CGN: variants seen among roughly 807,000 people sequenced by gnomAD.
The protein encoded by CGN is cingulin.
CGN carries 121 observed loss-of-function variants against 157.1 expected under a neutral mutation model. The ratio of observed to expected loss-of-function variants is 0.77; its 90% CI spans 0.66 to 0.90. CGN has a LOEUF of 0.90. CGN is among the 40% of genes least tolerant of loss of function. The pLI, the probability that CGN is intolerant of heterozygous loss-of-function variation, is 0.00. For missense variants in CGN, 1,424 were observed against 1,520.9 expected (o/e 0.94, Z 1.06); for synonymous variants, 535 against 607.5 (o/e 0.88, Z 1.76).
At position 151,524,555 on chromosome 1, in the gene CGN, C is replaced by T; in HGVS notation, c.1402-119C>T. Reference sequence around the variant, plus strand: ...AAACCTATCATTCTGGGCTCCAGTACTGGTACTAGAGCACCTGGTACTGTG... The same window carrying T: ...AAACCTATCATTCTGGGCTCCAGTATTGGTACTAGAGCACCTGGTACTGTG... On this transcript the variant is annotated intron_variant, in intron 7 of 20. Coordinates refer to ENST00000271636, the MANE Select transcript of CGN (RefSeq NM_020770.3). This position sits in a 1 kb window ranked among gnomAD's most constrained non-coding sequence, Gnocchi z 4.4. 8.6e-7 allele frequency: 1 copy of T among 1,162,096 alleles called. No homozygotes were observed. The highest frequency in any genetic ancestry group is 2.6e-5 in the Admixed American group (1 of 38,254). 72.0% of individuals were successfully genotyped at this position (1,162,096 alleles called of 1,614,324 possible).
In CGN at chr1:151,537,490, T is replaced by TAA. The variant is rs5777776; in HGVS notation, c.*155_*156dup. 15,993 of 425,188 alleles carry TAA rather than the reference T, an allele frequency of 0.038. 137 individuals are homozygous for TAA. Among genetic ancestry groups the TAA allele is most frequent in the African/African-American group, 0.082 (4,073 of 49,680 alleles). The allele number at this position is 425,188 out of a possible 1,614,324, so 26.3% of individuals were successfully genotyped here. A position where few individuals can be genotyped will look rare whatever the true frequency, so the allele number is the denominator to read the frequency against. On this transcript the variant is annotated 3_prime_UTR_variant, in exon 21 of 21. Coordinates refer to ENST00000271636, the MANE Select transcript of CGN (RefSeq NM_020770.3). ...CAGGGAGGGGTCAGAGTGATGGTGATAAAAAAAAAAAATCATCAGCAATAA... is the reference window on the plus strand; with the variant it reads ...CAGGGAGGGGTCAGAGTGATGGTGATAAAAAAAAAAAAAATCATCAGCAATAA...
At chr1:151,519,712 T>C (rs550724652) in intron 2 of CGN, among the ~76,000 whole-genome samples, 5 of 152,344 alleles carry the variant, frequency 3.3e-5, no homozygotes, top group African/African-American at 9.6e-5. Flanking sequence ...TAAGGCGGGC[T>C]TGGAGGATAA....
intron 8 of CGN, 151 bp downstream of exon 8, chr1:151,525,037 G>A (rs1664639802): frequency 4.3e-6 from 3 of 701,982 alleles, no homozygotes; most frequent in Non-Finnish European, 7.3e-6. Context: ...AAAACCTTGG[G>A]CAGGAAAACT....
chr1:151,534,033 T>G lies in CGN; in HGVS notation c.2801T>G (p.Leu934Arg). 6.2e-7 allele frequency: 1 copy of G among 1,613,530 alleles called. No homozygotes were observed. Among genetic ancestry groups the G allele is most frequent in the Non-Finnish European group, 8.5e-7 (1 of 1,179,914 alleles). ...CAGGCTGAGCGGGACACAGCCCGGC[T>G]GGACAAAGAGCTACTGGCCCAGCGA... ...ASQAERDTAR[L>R]DKELLAQRLQ... is the part of the protein sequence containing the mutation. Residue 934 changes from leucine (L) to arginine (R), a missense_variant, in exon 15 of 21, where the codon CTG (leucine) becomes CGG (arginine). This residue lies in a region of CGN where 1,187 missense variants were observed against 1,217.6 expected (regional missense o/e 0.97). Coordinates refer to ENST00000271636, the MANE Select transcript of CGN (RefSeq NM_020770.3).
chr1:151,529,083 A>G (rs1414274161), intron 10 of CGN, among the ~76,000 whole-genome samples: 1 of 152,254 alleles, frequency 6.6e-6, no homozygotes, highest in Non-Finnish European at 1.5e-5. Context: ...CATCTGGGCT[A>G]TAATGAATAA....
chr1:151,526,878 C>T, intron 9 of CGN, 97 bp from the exon 10 acceptor site: 6 of 1,419,806 alleles, frequency 4.2e-6, no homozygotes, highest in Admixed American at 1.9e-5. Context: ...AGCGTGTTGG[C>T]CTCCAGAGAG....
At chr1:151,536,677 C>G in intron 19 of CGN, 53 bp from the exon 20 acceptor site, 1 of 1,581,162 alleles carries the variant, frequency 6.3e-7, no homozygotes, top group Non-Finnish European at 8.7e-7. Flanking sequence ...GGGAGGGTCC[C>G]AGGCCATGGT....
At chr1:151,537,076 G>A in intron 20 of CGN, 129 bp from the exon 21 acceptor site, 1 of 1,235,576 alleles carries the variant, frequency 8.1e-7, no homozygotes, top group Non-Finnish European at 1.1e-6. Context: ...CCCCAAATCT[G>A]ATTAGTTGGG....
intron 13 of CGN, among the ~76,000 whole-genome samples, chr1:151,531,409 T>C (rs1462991196): frequency 6.6e-6 from 1 of 152,200 alleles, no homozygotes; most frequent in Non-Finnish European, 1.5e-5. Flanking sequence ...AAAATAAAAT[T>C]AGCCTGCTGT....
chr1:151,528,265 G>A (rs2102497376), intron 10 of CGN, among the ~76,000 whole-genome samples: 1 of 151,940 alleles, frequency 6.6e-6, no homozygotes, highest in East Asian at 1.9e-4. Context: ...GGGATTACAG[G>A]CGTGAGCCAC....
rs1573129 is a variant in CGN at position 151,524,900 on chromosome 1, G to A, written c.1614+14G>A. 336,403 of 1,604,770 alleles carry A rather than the reference G, an allele frequency of 0.21. 47,044 individuals are homozygous for A. The highest frequency in any genetic ancestry group is 0.78 in the East Asian group (34,885 of 44,728). On this transcript the variant is annotated intron_variant, in intron 8 of 20. Transcript: ENST00000271636. The surrounding 1 kb of genome is among the most constrained non-coding windows in gnomAD (Gnocchi z 4.4). ...GATGCAACCCAGGCATGTGACAAGAGCAGGGTCTGAGAGAGGAGGGCACTG... is the reference window on the plus strand; with the variant it reads ...GATGCAACCCAGGCATGTGACAAGAACAGGGTCTGAGAGAGGAGGGCACTG...
chr1:151,519,431 C>T (rs1249991487), intron 2 of CGN, 39 bp downstream of exon 2: 1 of 1,505,488 alleles, frequency 6.6e-7, no homozygotes, highest in African/African-American at 1.4e-5. Flanking sequence ...AATGTCAGCC[C>T]CTTCTCCCTT....
At position 151,524,257 on chromosome 1, in the gene CGN, G is replaced by A; in HGVS notation, c.1300G>A (p.Gly434Ser). ...GAACATGAAGCGCCTCTTGGACCAGGGTGAAGATTTACGACATGGGCTGGA... is the reference window on the plus strand; with the variant it reads ...GAACATGAAGCGCCTCTTGGACCAGAGTGAAGATTTACGACATGGGCTGGA... ...LQNMKRLLDQ[G>S]EDLRHGLETQ... The change falls in exon 7 of 21, where the codon GGT (glycine) becomes AGT (serine). Residue 434 changes from glycine to serine, a missense_variant. By Grantham distance (56) the Gly-to-Ser change is moderately conservative. Coordinates refer to ENST00000271636, the MANE Select transcript of CGN (RefSeq NM_020770.3). The surrounding 1 kb of genome is among the most constrained non-coding windows in gnomAD (Gnocchi z 4.4). 1 of 1,614,112 alleles carries A rather than the reference G, an allele frequency of 6.2e-7. No individual in the cohort carries two copies. Among genetic ancestry groups the A allele is most frequent in the Non-Finnish European group, 8.5e-7 (1 of 1,180,004 alleles).
Position 151,520,495 on chromosome 1 carries a change from T to A in CGN, c.1044+12T>A. On this transcript the variant is annotated intron_variant, in intron 4 of 20. Transcript: ENST00000271636. ...TGCAGCCTCTAGTGGTGAGTGGCCT[T>A]CTCTGGATGGGAGCAAGGGTCAAGG... 1 of 1,613,784 alleles carries A rather than the reference T, an allele frequency of 6.2e-7. No homozygotes were observed. The highest frequency in any genetic ancestry group is 8.5e-7 in the Non-Finnish European group (1 of 1,179,666).
At chr1:151,513,484 C>T (rs1664345590) in intron 1 of CGN, among the ~76,000 whole-genome samples, 1 of 152,162 alleles carries the variant, frequency 6.6e-6, no homozygotes. Flanking sequence ...CTGAGCTGTC[C>T]TTTTCTATTT....
chr1:151,525,604 C>A, intron 8 of CGN, 38 bp from the exon 9 acceptor site: 1 of 1,513,644 alleles, frequency 6.6e-7, no homozygotes, highest in East Asian at 2.5e-5. Flanking sequence ...GACCTCTTCC[C>A]TCTGAGCCTT....
At chr1:151,534,642 C>T in intron 15 of CGN, 1 of 235,238 alleles carries the variant, frequency 4.3e-6, no homozygotes, top group South Asian at 5.7e-5. Context: ...TCAGACTGGA[C>T]AGTCTGGTCC....
rs372073643 is a variant in CGN at position 151,535,799 on chromosome 1, G to A, written c.3098G>A (p.Arg1033Gln). The A allele has an allele frequency of 5.8e-5, 94 of 1,614,048 alleles. No homozygotes were observed. Among genetic ancestry groups the A allele is most frequent in the Non-Finnish European group, 6.9e-5 (82 of 1,180,026 alleles). Residue 1033 changes from arginine (R) to glutamine (Q), a missense_variant, in exon 18 of 21, where the codon CGG (arginine) becomes CAG (glutamine). Physicochemically the swap from Arg to Gln is conservative, Grantham distance 43. Around this residue, in one of 3 missense-constraint regions of CGN, gnomAD observed 199 missense variants for 272.2 expected, o/e 0.73. Transcript: ENST00000271636. ...TCTCAGAACAAGGACCTGAAGACCC[G>A]GTTGGCCAGCTCAGAAGGCTTCCAG... Reference protein sequence around the residue: ...LERQNKDLKTRLASSEGFQKP... With the variant: ...LERQNKDLKTQLASSEGFQKP...
Position 151,532,448 on chromosome 1 carries a change from A to G in CGN, c.2618A>G (p.Gln873Arg). The change falls in exon 14 of 21, where the codon CAG becomes CGG. Residue 873 changes from glutamine (Q) to arginine (R), a missense_variant. Physicochemically the swap from Gln to Arg is conservative, Grantham distance 43 (BLOSUM62 1). Transcript: ENST00000271636. ...EDSKQALQQLQAQLEDYKEKA... is the reference protein window; with the variant it reads ...EDSKQALQQLRAQLEDYKEKA... ...TCTAAGCAAGCCCTGCAGCAGCTCC[A>G]GGCCCAGCTGGAGGATTATAAGGAA... 2 of 1,600,186 alleles carry G rather than the reference A, an allele frequency of 1.2e-6. No homozygotes were observed. The highest frequency in any genetic ancestry group is 2.3e-5 in the East Asian group (1 of 44,384).
Sources: allele counts gnomAD v4.1 joint callset (sites outside exome capture counted in the v4.1 genomes callset), GRCh38; gene constraint gnomAD v4.1.1; regional missense constraint gnomAD v4.1.1; non-coding constraint Gnocchi (gnomAD v3.1); transcripts MANE v1.5; gene names NCBI Gene and HGNC (gene_info 2026-07-23, HGNC 2026-07-21).